PCSK6: variants seen among roughly 807,000 people sequenced by gnomAD.
The protein encoded by PCSK6 is proprotein convertase subtilisin/kexin type 6, also known as paired basic amino acid cleaving enzyme 4.
PCSK6 carries 85 observed loss-of-function variants against 123.3 expected under a neutral mutation model. That is an observed-to-expected ratio of 0.69 (90% CI 0.58 to 0.83). The LOEUF (loss-of-function observed/expected upper bound fraction) is 0.83, where lower values mean the gene tolerates loss of function less well. Ranked by LOEUF, PCSK6 falls within the 40% of genes least tolerant of loss-of-function variation. PCSK6 has a pLI of 0.00. For missense variants in PCSK6, 1,191 were observed against 1,282.3 expected (o/e 0.93, Z 1.09); for synonymous variants, 508 against 516.0 (o/e 0.98, Z 0.21).
Position 101,489,547 on chromosome 15 carries a change from G to A in PCSK6, c.124C>T (p.Arg42Trp). 1 of 987,790 alleles carries A rather than the reference G, an allele frequency of 1.0e-6. No homozygotes were observed. Among genetic ancestry groups the A allele is most frequent in the Non-Finnish European group, 1.2e-6 (1 of 834,868 alleles). 61.2% of individuals were successfully genotyped at this position (987,790 alleles called of 1,614,324 possible). A position where few individuals can be genotyped will look rare whatever the true frequency, so the allele number is the denominator to read the frequency against. ...CGCCAGGGACGCGGCGCGAGCGGCC[G>A]GAACCCGGGCCCGCCGGCGCCCCCC... ...GAGGAGGPGF[R>W]PLAPRPWRWL... The change falls in exon 1 of 22, where the codon CGG becomes TGG. Residue 42 changes from arginine to tryptophan, a missense_variant. Coordinates refer to ENST00000611716, the MANE Select transcript of PCSK6 (RefSeq NM_002570.5).
At chr15:101,467,312 G>A (rs1420811553) in intron 1 of PCSK6, among the ~76,000 whole-genome samples, 3 of 147,586 alleles carry the variant, frequency 2.0e-5, no homozygotes, top group Admixed American at 6.8e-5. Flanking sequence ...TCGCTCTGTC[G>A]CCCAGGCTGG....
At chr15:101,322,678 C>A (rs546478672) in intron 17 of PCSK6, 71 bp from the exon 18 acceptor site, 6 of 977,676 alleles carry the variant, frequency 6.1e-6, no homozygotes, top group Admixed American at 3.8e-5. Flanking sequence ...GGCAAGCAGG[C>A]CCCCGGCATT....
intron 6 of PCSK6, among the ~76,000 whole-genome samples, chr15:101,414,155 T>A (rs1308693352): frequency 6.6e-6 from 1 of 152,166 alleles, no homozygotes; most frequent in East Asian, 1.9e-4. Flanking sequence ...TTTTAAATTA[T>A]GAGTGAAAAT....
At chr15:101,474,309 C>G (rs767125465) in intron 1 of PCSK6, among the ~76,000 whole-genome samples, 2 of 152,160 alleles carry the variant, frequency 1.3e-5, no homozygotes, top group Non-Finnish European at 2.9e-5. Flanking sequence ...CCAACTGGGA[C>G]AAGGAGGCAC....
intron 10 of PCSK6, chr15:101,383,942 C>G (rs767651133): frequency 1.5e-5 from 3 of 195,210 alleles, no homozygotes; most frequent in African/African-American, 2.4e-5. Flanking sequence ...GCTGTGTTGT[C>G]CAGGCTAGAC....
At chr15:101,443,831 C>T (rs11855154) in intron 1 of PCSK6, among the ~76,000 whole-genome samples, 171 bp from the exon 2 acceptor site, 32,304 of 152,088 alleles carry the variant, frequency 0.21, 3,488 homozygotes, top group Admixed American at 0.24. Context: ...TGTTTATAAA[C>T]GTGAAGGTGG....
At chr15:101,317,816 T>C (rs1298396055) in intron 19 of PCSK6, among the ~76,000 whole-genome samples, 2 of 152,216 alleles carry the variant, frequency 1.3e-5, no homozygotes, top group Non-Finnish European at 2.9e-5. Flanking sequence ...TTTTGGGATT[T>C]TGTTTCAAAT....
intron 6 of PCSK6, among the ~76,000 whole-genome samples, chr15:101,412,075 T>TGG (rs1403878903): frequency 1.3e-5 from 2 of 152,150 alleles, no homozygotes; most frequent in Non-Finnish European, 1.5e-5. Flanking sequence ...TTCTCAGCAC[T>TGG]GATAAGGAGA....
intron 21 of PCSK6, 143 bp downstream of exon 21, chr15:101,307,070 C>T (rs1035227704): frequency 1.6e-6 from 1 of 643,340 alleles, no homozygotes. Context: ...TAGAGGAATC[C>T]CAGACAGTCA....
chr15:101,347,091 G>A lies in PCSK6; in HGVS notation c.1859-15060C>T, dbSNP rs1596210117. The stretch of plus-strand genomic sequence containing the variant: ...AGAGTGTGCCAAGTTCTTCAGCTCT[G>A]TTTCCAAGGAAGTGGGAGTGATACT... On this transcript the variant is annotated intron_variant, in intron 13 of 21. Coordinates refer to ENST00000611716, the MANE Select transcript of PCSK6 (RefSeq NM_002570.5). 4.1e-6 allele frequency: 5 copies of A among 1,231,682 alleles called. No homozygotes were observed. In the East Asian group the frequency reaches 9.5e-5, roughly 23 times the overall value. 76.3% of individuals were successfully genotyped at this position (1,231,682 alleles called of 1,614,324 possible).
chr15:101,402,739 T>G (rs929847488), intron 6 of PCSK6, among the ~76,000 whole-genome samples: 6 of 152,188 alleles, frequency 3.9e-5, no homozygotes, highest in Non-Finnish European at 8.8e-5. Context: ...TCACACCAGT[T>G]AGAATGGCAA....
At chr15:101,331,126 T>C (rs1246655325) in intron 15 of PCSK6, among the ~76,000 whole-genome samples, 1 of 152,222 alleles carries the variant, frequency 6.6e-6, no homozygotes, top group Non-Finnish European at 1.5e-5. Context: ...ATAAAAGCCA[T>C]GTCCAGCTCA....
chr15:101,462,450 C>T (rs2057360960), intron 1 of PCSK6, among the ~76,000 whole-genome samples: 1 of 152,076 alleles, frequency 6.6e-6, no homozygotes, highest in African/African-American at 2.4e-5. Context: ...TAATATGAAA[C>T]AACAAAGGGC....
At position 101,444,475 on chromosome 15, in the gene PCSK6, C is replaced by A. The variant is rs115636514; in HGVS notation, c.298-815G>T. Among the ~76,000 whole-genome samples the A allele has an allele frequency of 5.8e-3, 886 of 152,270 alleles. 11 individuals are homozygous for A. Among genetic ancestry groups the A allele is most frequent in the African/African-American group, 0.02 (842 of 41,554 alleles). On this transcript the variant is annotated intron_variant, in intron 1 of 21. Coordinates refer to ENST00000611716, the MANE Select transcript of PCSK6 (RefSeq NM_002570.5). ...AGATGGACTGGATATCATACAGACC[C>A]TCAGGTTGATCTTCTCAGGCTAAAC...
intron 1 of PCSK6, among the ~76,000 whole-genome samples, chr15:101,456,557 G>A (rs1055888754): frequency 2.0e-5 from 3 of 152,226 alleles, no homozygotes; most frequent in Non-Finnish European, 4.4e-5. Context: ...GGATCCAGGG[G>A]AGAGGCTGAC....
intron 9 of PCSK6, among the ~76,000 whole-genome samples, chr15:101,387,820 C>G (rs146938123): frequency 4.1e-4 from 63 of 152,358 alleles, no homozygotes; most frequent in Non-Finnish European, 8.4e-4. Context: ...CCTGCACAGG[C>G]GAGAGCTATC....
intron 6 of PCSK6, among the ~76,000 whole-genome samples, chr15:101,409,895 TC>T (rs1213888871): frequency 6.6e-6 from 1 of 152,160 alleles, no homozygotes; most frequent in African/African-American, 2.4e-5. Context: ...TGGGATCACA[TC>T]CTCAGCCTGC....
At chr15:101,420,521 C>T (rs572410779) in intron 6 of PCSK6, among the ~76,000 whole-genome samples, 25 of 151,960 alleles carry the variant, frequency 1.6e-4, no homozygotes, top group Non-Finnish European at 3.1e-4. Context: ...CCACCATGCC[C>T]GGCTAAATTT....
intron 11 of PCSK6, among the ~76,000 whole-genome samples, chr15:101,379,518 TAA>T (rs1312690189): frequency 1.3e-5 from 2 of 152,144 alleles, no homozygotes; most frequent in African/African-American, 4.8e-5. Context: ...GAGGGGTGTA[TAA>T]AGAGGCATAC....
Sources: allele counts gnomAD v4.1 joint callset (sites outside exome capture counted in the v4.1 genomes callset), GRCh38; gene constraint gnomAD v4.1.1; transcripts MANE v1.5; gene names NCBI Gene and HGNC (gene_info 2026-07-23, HGNC 2026-07-21).